The following MCOLN2 variants were observed in gnomAD, a reference collection of about 807,000 sequenced individuals.
MCOLN2 encodes the protein mucolipin TRP cation channel 2, also known as mucolipin-2.
In MCOLN2, 57 loss-of-function variants were observed where a neutral mutation model predicts 67.5. The observed-to-expected ratio is 0.84, with a 90% confidence interval of 0.68 to 1.05. The LOEUF is 1.05. MCOLN2 is among the 50% of genes least tolerant of loss of function. The pLI, the probability that MCOLN2 is intolerant of heterozygous loss-of-function variation, is 0.00. For synonymous variants in MCOLN2, 246 were observed against 233.3 expected, an observed-to-expected ratio of 1.05 and a Z score of -0.50; for missense variants, 620 against 678.8, an observed-to-expected ratio of 0.91 and a Z score of 0.96.
intron 1 of MCOLN2, chr1:84,971,987 A>C (rs1470107492): frequency 6.6e-6 from 1 of 152,182 alleles, no homozygotes; most frequent in African/African-American, 2.4e-5. Context: ...CTTGGAACCC[A>C]GGAGGCAGAG....
At chr1:84,935,422 A>G (rs1304462898) in intron 11 of MCOLN2, among the ~76,000 whole-genome samples, 1 of 152,180 alleles carries the variant, frequency 6.6e-6, no homozygotes, top group Admixed American at 6.5e-5. Context: ...ATTAAGTGAA[A>G]GACATAAGTC....
rs1035888692 is a variant in MCOLN2 at position 84,931,291 on chromosome 1, TGTG to T, written c.1542+68_1542+70del. The T allele has an allele frequency of 1.3e-5, 12 of 953,568 alleles. No homozygotes were observed. The African/African-American group carries it at 1.8e-4, about 14-fold the overall frequency. 59.1% of individuals were successfully genotyped at this position (953,568 alleles called of 1,614,324 possible). Reference sequence around the variant, plus strand: ...ACTGTAATATTTTAAGTTTTTAAAATGTGGTATTTTCCTATAATCTATATAGAA... The same window carrying T: ...ACTGTAATATTTTAAGTTTTTAAAATGTATTTTCCTATAATCTATATAGAA... On this transcript the variant is annotated intron_variant, in intron 12 of 13. Coordinates refer to ENST00000370608, the MANE Select transcript of MCOLN2 (RefSeq NM_153259.4).
chr1:84,968,637 T>C (rs767914790), intron 1 of MCOLN2, among the ~76,000 whole-genome samples: 1 of 152,234 alleles, frequency 6.6e-6, no homozygotes, highest in Non-Finnish European at 1.5e-5. Flanking sequence ...CCCATAGCTT[T>C]TGTTATACTG....
chr1:84,980,446 G>GT, intron 1 of MCOLN2, among the ~76,000 whole-genome samples: 1 of 152,118 alleles, frequency 6.6e-6, no homozygotes, highest in South Asian at 2.1e-4. Flanking sequence ...AAACAGCATG[G>GT]TATTACACAG....
intron 4 of MCOLN2, among the ~76,000 whole-genome samples, chr1:84,953,882 G>A (rs1648642705): frequency 6.6e-6 from 1 of 152,154 alleles, no homozygotes; most frequent in African/African-American, 2.4e-5. Context: ...AAACCAGCAT[G>A]GGTGACCCTT....
chr1:84,978,792 G>A (rs1217009089), intron 1 of MCOLN2, among the ~76,000 whole-genome samples: 1 of 151,980 alleles, frequency 6.6e-6, no homozygotes, highest in South Asian at 2.1e-4. Flanking sequence ...GAATGTATAT[G>A]TGTATAAATA....
At chr1:84,948,855 G>A (rs1648255928) in intron 6 of MCOLN2, among the ~76,000 whole-genome samples, 1 of 152,234 alleles carries the variant, frequency 6.6e-6, no homozygotes, top group Non-Finnish European at 1.5e-5. Flanking sequence ...TTTCTGGCCG[G>A]GTGCAGTGGC....
rs748709872 is a variant in MCOLN2 at position 84,997,033 on chromosome 1, G to A, written c.-161C>T. The A allele has an allele frequency of 3.6e-5, 23 of 638,606 alleles. No individual in the cohort carries two copies. The highest frequency in any genetic ancestry group is 5.7e-5 in the Non-Finnish European group (21 of 368,404). 39.6% of individuals were successfully genotyped at this position (638,606 alleles called of 1,614,324 possible). On this transcript the variant is annotated 5_prime_UTR_variant, in exon 1 of 14. Coordinates refer to ENST00000370608, the MANE Select transcript of MCOLN2 (RefSeq NM_153259.4). Reference sequence around the variant, plus strand: ...CCTTTCTGCCGGCCGCGTGGTGCGCGCAGACCCCGGCCCGAGAGCAGGCGC... The same window carrying A: ...CCTTTCTGCCGGCCGCGTGGTGCGCACAGACCCCGGCCCGAGAGCAGGCGC...
chr1:84,963,249 T>G (rs1260838666), intron 2 of MCOLN2, among the ~76,000 whole-genome samples: 3 of 152,196 alleles, frequency 2.0e-5, no homozygotes, highest in Non-Finnish European at 4.4e-5. Flanking sequence ...ATAAAACATT[T>G]ATTGTGCCTA....
intron 1 of MCOLN2, among the ~76,000 whole-genome samples, chr1:84,983,668 T>C (rs973715924): frequency 6.7e-5 from 10 of 150,250 alleles, no homozygotes; most frequent in African/African-American, 2.5e-4. Context: ...TCATTTACTT[T>C]AAAATTTCTT....
intron 11 of MCOLN2, among the ~76,000 whole-genome samples, chr1:84,935,810 G>A (rs1647394129): frequency 6.6e-6 from 1 of 152,128 alleles, no homozygotes; most frequent in South Asian, 2.1e-4. Context: ...TGAACATATG[G>A]AAATGCAGTC....
chr1:84,962,064 G>C (rs1314682501), intron 2 of MCOLN2, among the ~76,000 whole-genome samples: 2 of 152,180 alleles, frequency 1.3e-5, no homozygotes, highest in African/African-American at 2.4e-5. Context: ...GGAGGGAAAA[G>C]TGAGATATTA....
At chr1:84,933,815 C>T (rs750546002) in intron 11 of MCOLN2, among the ~76,000 whole-genome samples, 3 of 152,228 alleles carry the variant, frequency 2.0e-5, no homozygotes, top group Non-Finnish European at 4.4e-5. Flanking sequence ...TACCAGGCTA[C>T]ACACAATATC....
rs1439364363 is a variant in MCOLN2 at position 84,987,439 on chromosome 1, G to GTATATATATAC, written c.77+9356_77+9357insGTATATATATA. 5.8e-4 allele frequency among the ~76,000 whole-genome samples: 57 copies of GTATATATATAC among 97,622 alleles called. No homozygotes were observed. The East Asian group carries it at 0.014, about 24-fold the overall frequency. 64.0% of individuals were successfully genotyped at this position (97,622 alleles called of 152,430 possible). On this transcript the variant is annotated intron_variant, in intron 1 of 13. Transcript: ENST00000370608. ...ATGTATATACCTATATACGTATATA[G>GTATATATATAC]ATATATACATATATACATATATGTA...
rs1647628278 is a variant in MCOLN2 at position 84,939,552 on chromosome 1, CCTTTG to C, written c.1106_1110del (p.Ala369GlufsTer6). 6.2e-7 allele frequency: 1 copy of C among 1,613,898 alleles called. No individual in the cohort carries two copies. Among genetic ancestry groups the C allele is most frequent in the African/African-American group, 1.3e-5 (1 of 75,006 alleles). ...AGAGACTTTAAATGGGCTTCCCTCA[CCTTTG>C]CTTTGATTTCCATTTTTAATATGGA... On this transcript the variant is annotated frameshift_variant and splice_region_variant, in exon 9 of 14. Transcript: ENST00000370608. LOFTEE classifies it high-confidence loss of function.
At chr1:84,993,403 G>A (rs1214547304) in intron 1 of MCOLN2, among the ~76,000 whole-genome samples, 1 of 152,066 alleles carries the variant, frequency 6.6e-6, no homozygotes, top group Non-Finnish European at 1.5e-5. Flanking sequence ...ACTGAAATCT[G>A]GACCCCTTCA....
At chr1:84,959,575 ACT>A (rs377734540) in intron 2 of MCOLN2, among the ~76,000 whole-genome samples, 21 of 151,986 alleles carry the variant, frequency 1.4e-4, no homozygotes, top group African/African-American at 3.9e-4. Context: ...GCACATTCAC[ACT>A]CTCTCACGTG....
chr1:84,974,383 T>C (rs540120128), intron 1 of MCOLN2, among the ~76,000 whole-genome samples: 31 of 151,546 alleles, frequency 2.0e-4, no homozygotes, highest in Non-Finnish European at 3.1e-4. Context: ...AAAAGATCCC[T>C]TCCTTCTGCT....
At position 84,996,751 on chromosome 1, in the gene MCOLN2, T is replaced by G. The variant is rs774088190; in HGVS notation, c.77+45A>C. ...AGTAAAGCCATCGACTTTAGGAAGA[T>G]TTCTCCAGTCCAGCATCCTGAAAGA... On this transcript the variant is annotated intron_variant, in intron 1 of 13. Transcript: ENST00000370608. The G allele has an allele frequency of 3.8e-6, 6 of 1,559,534 alleles. No homozygotes were observed. The African/African-American group carries it at 8.2e-5, about 21-fold the overall frequency.
Sources: allele counts gnomAD v4.1 joint callset (sites outside exome capture counted in the v4.1 genomes callset), GRCh38; gene constraint gnomAD v4.1.1; transcripts MANE v1.5; gene names NCBI Gene and HGNC (gene_info 2026-07-23, HGNC 2026-07-21).